BAZ2B: variants seen among roughly 807,000 people sequenced by gnomAD.
The protein encoded by BAZ2B is bromodomain adjacent to zinc finger domain 2B.
BAZ2B carries 91 observed loss-of-function variants against 246.0 expected under a neutral mutation model. The ratio of observed to expected loss-of-function variants is 0.37; its 90% CI spans 0.31 to 0.44. BAZ2B has a LOEUF of 0.44. BAZ2B is among the 20% of genes least tolerant of loss of function. The pLI, the probability that BAZ2B is intolerant of heterozygous loss-of-function variation, is 1.00. For synonymous variants in BAZ2B, 855 were observed against 860.0 expected, an observed-to-expected ratio of 0.99 and a Z score of 0.10; for missense variants, 2,332 against 2,533.7, an observed-to-expected ratio of 0.92 and a Z score of 1.71.
intron 13 of BAZ2B, among the ~76,000 whole-genome samples, chr2:159,418,002 G>T (rs1167875019): frequency 1.3e-5 from 2 of 152,182 alleles, no homozygotes; most frequent in Admixed American, 6.5e-5. Context: ...AGAGAGAACT[G>T]GCTGAAATTG....
At chr2:159,652,814 C>T in the BAZ2B span, among the ~76,000 whole-genome samples, 2 of 151,906 alleles carry the variant, frequency 1.3e-5, no homozygotes, top group South Asian at 4.2e-4. Flanking sequence ...GATGGGGTCT[C>T]ACTCTGTAGC....
At chr2:159,623,477 G>T in the BAZ2B span, among the ~76,000 whole-genome samples, 3 of 152,138 alleles carry the variant, frequency 2.0e-5, no homozygotes, top group South Asian at 6.2e-4. Context: ...CTTGCTCATA[G>T]TAAGAGAAAT....
intron 1 of BAZ2B, among the ~76,000 whole-genome samples, chr2:159,609,404 A>G (rs1227380862): frequency 1.3e-5 from 2 of 152,224 alleles, no homozygotes; most frequent in Admixed American, 6.5e-5. Flanking sequence ...TCATAAGCTA[A>G]AAGTATTATA....
At chr2:159,360,633 A>T (rs531880541) in intron 27 of BAZ2B, among the ~76,000 whole-genome samples, 1 of 152,340 alleles carries the variant, frequency 6.6e-6, no homozygotes, top group East Asian at 1.9e-4. Flanking sequence ...AAAAGGTCCC[A>T]TATAGCCAAG....
intron 27 of BAZ2B, among the ~76,000 whole-genome samples, chr2:159,356,316 G>A (rs979994301): frequency 6.6e-6 from 1 of 152,172 alleles, no homozygotes. Context: ...AGGGGTGTCC[G>A]CCATTACAGA....
At position 159,319,425 on chromosome 2, in the gene BAZ2B, G is replaced by A. The variant is rs1218498732; in HGVS notation, c.*840C>T. On this transcript the variant is annotated 3_prime_UTR_variant, in exon 37 of 37. Coordinates refer to ENST00000392783, the MANE Select transcript of BAZ2B (RefSeq NM_013450.4). The surrounding 1 kb of genome is among the most constrained non-coding windows in gnomAD (Gnocchi z 4.0). ...AGGAGACGCCACAGTGTTGGTAGAG[G>A]ATAATTACTGTACAGACTGTATAGC... 6.6e-6 allele frequency: 1 copy of A among 152,610 alleles called. No homozygotes were observed. Among genetic ancestry groups the A allele is most frequent in the Admixed American group, 6.5e-5 (1 of 15,276 alleles). The allele number at this position is 152,610 out of a possible 1,614,324, so 9.5% of individuals were successfully genotyped here.
At chr2:159,696,720 A>G in the BAZ2B span, among the ~76,000 whole-genome samples, 2 of 152,162 alleles carry the variant, frequency 1.3e-5, no homozygotes, top group African/African-American at 4.8e-5. Context: ...ACTTACAGAT[A>G]ATTTGAAGTT....
At chr2:159,625,810 C>T in the BAZ2B span, among the ~76,000 whole-genome samples, 1 of 152,090 alleles carries the variant, frequency 6.6e-6, no homozygotes, top group African/African-American at 2.4e-5. Context: ...ATGACAGGAT[C>T]AAATTCACAC....
the BAZ2B span, among the ~76,000 whole-genome samples, chr2:159,663,348 T>C: frequency 4.5e-4 from 67 of 150,132 alleles, no homozygotes; most frequent in Admixed American, 4.4e-3. Context: ...ATTACAGGTG[T>C]GTGCCACCAC....
intron 13 of BAZ2B, among the ~76,000 whole-genome samples, chr2:159,421,537 GT>G (rs1576829152): frequency 6.6e-6 from 1 of 151,870 alleles, no homozygotes; most frequent in East Asian, 1.9e-4. Flanking sequence ...TTTTTTAAAG[GT>G]AATAATTACA....
At chr2:159,329,058 G>A (rs1285788341) in intron 34 of BAZ2B, among the ~76,000 whole-genome samples, 9 of 151,536 alleles carry the variant, frequency 5.9e-5, no homozygotes, top group African/African-American at 2.2e-4. Flanking sequence ...AACACGGGAG[G>A]TGGAGGTTGC....
chr2:159,489,329 T>C lies in BAZ2B; in HGVS notation c.-2-10608A>G, dbSNP rs146274434. On this transcript the variant is annotated intron_variant, in intron 2 of 36. Coordinates refer to ENST00000392783, the MANE Select transcript of BAZ2B (RefSeq NM_013450.4). ...GAAGATGATAAAAAAAAAGAGCCAA[T>C]GAACTCAAAGGTAGATCAATAGAAA... 6.3e-3 allele frequency among the ~76,000 whole-genome samples: 954 copies of C among 151,888 alleles called. 7 individuals are homozygous for C. The highest frequency in any genetic ancestry group is 0.022 in the African/African-American group (910 of 41,394).
chr2:159,549,282 AAAACAAAC>A lies in BAZ2B; in HGVS notation c.-3+6533_-3+6540del, dbSNP rs377622780. On this transcript the variant is annotated intron_variant, in intron 2 of 36. Transcript: ENST00000392783. Reference sequence around the variant, plus strand: ...GGCAACAGAACGAGACTCTGTCTCAAAAACAAACAAACAAACAAACAACTAAAACTAAA... The same window carrying A: ...GGCAACAGAACGAGACTCTGTCTCAAAAACAAACAAACAACTAAAACTAAA... Among the ~76,000 whole-genome samples the A allele has an allele frequency of 6.8e-4, 103 of 152,314 alleles. 1 individual carries two copies. The highest frequency in any genetic ancestry group is 2.4e-3 in the African/African-American group (99 of 41,568).
intron 20 of BAZ2B, among the ~76,000 whole-genome samples, chr2:159,393,723 C>T (rs2063625924): frequency 1.3e-5 from 2 of 152,168 alleles, no homozygotes; most frequent in East Asian, 3.9e-4. Flanking sequence ...CGGACTCACT[C>T]TATTTAGTCA....
At chr2:159,443,461 C>T (rs965424751) in intron 6 of BAZ2B, among the ~76,000 whole-genome samples, 6 of 151,952 alleles carry the variant, frequency 3.9e-5, no homozygotes, top group Admixed American at 2.0e-4. Context: ...TTTTTTCAAA[C>T]TACATGTGAA....
intron 2 of BAZ2B, among the ~76,000 whole-genome samples, chr2:159,523,878 C>T (rs1227953464): frequency 1.3e-5 from 2 of 152,072 alleles, no homozygotes; most frequent in Admixed American, 6.6e-5. Flanking sequence ...AGACAGAATA[C>T]TCAGGGAATA....
the BAZ2B span, among the ~76,000 whole-genome samples, chr2:159,702,933 G>A: frequency 4.0e-5 from 6 of 151,750 alleles, no homozygotes; most frequent in Non-Finnish European, 7.4e-5. Context: ...CCAGCTACTC[G>A]GGAGGGAGGC....
At chr2:159,676,658 C>CACAT in the BAZ2B span, among the ~76,000 whole-genome samples, 1 of 151,286 alleles carries the variant, frequency 6.6e-6, no homozygotes, top group South Asian at 2.1e-4. Context: ...CACACACACA[C>CACAT]ACACACACAC....
chr2:159,412,570 T>C, intron 13 of BAZ2B, 25 bp from the exon 14 acceptor site: 1 of 1,572,322 alleles, frequency 6.4e-7, no homozygotes, highest in Non-Finnish European at 8.7e-7. Flanking sequence ...TTTATAGAAA[T>C]AATATATTAC....
Sources: gnomAD v4.1 joint callset for allele counts (sites outside exome capture counted in the v4.1 genomes callset) on GRCh38, gnomAD v4.1.1 for gene constraint, Gnocchi (gnomAD v3.1) non-coding constraint, MANE v1.5 for transcripts, NCBI Gene and HGNC (gene_info 2026-07-23, HGNC 2026-07-21) for gene names.